DLGAP1: variants seen among roughly 807,000 people sequenced by gnomAD.
DLGAP1 encodes disks large-associated protein 1.
Under a neutral mutation model 90.8 loss-of-function variants are expected in DLGAP1, and 11 were observed. The observed-to-expected ratio is 0.12, with a 90% CI of 0.08 to 0.20. DLGAP1 has a LOEUF of 0.20. DLGAP1 is among the 10% of genes least tolerant of loss of function. DLGAP1 has a pLI of 1.00. For synonymous variants in DLGAP1, 558 were observed against 540.7 expected (o/e 1.03, Z -0.44); for missense variants, 1,050 against 1,333.8 (o/e 0.79, Z 3.31).
intron 5 of DLGAP1, among the ~76,000 whole-genome samples, chr18:3,769,134 CCCAGG>C (rs2064394750): frequency 6.6e-6 from 1 of 152,056 alleles, no homozygotes; most frequent in Non-Finnish European, 1.5e-5. Context: ...CACAGATAAA[CCCAGG>C]AGAAGAGTTC....
chr18:4,030,536 CAGGGGATTG>C (rs1413286164), intron 2 of DLGAP1, among the ~76,000 whole-genome samples: 1 of 151,426 alleles, frequency 6.6e-6, no homozygotes, highest in Admixed American at 6.6e-5. Context: ...CGAGGCCATA[CAGGGGATTG>C]AGGCCTCTTG....
At chr18:4,387,999 T>C (rs9965958) in intron 1 of DLGAP1, among the ~76,000 whole-genome samples, 6,327 of 151,574 alleles carry the variant, frequency 0.042, 428 homozygotes, top group African/African-American at 0.15. Context: ...TAATGAAGTG[T>C]CTCTTTTGCC....
intron 8 of DLGAP1, among the ~76,000 whole-genome samples, chr18:3,574,326 T>C (rs935137823): frequency 4.6e-5 from 7 of 152,246 alleles, no homozygotes; most frequent in Admixed American, 2.6e-4. Context: ...TAATATTTCT[T>C]CCTTAATTAT....
In DLGAP1 at chr18:3,879,010, AAT is replaced by A; in HGVS notation, c.957+100_957+101del. 1 of 990,012 alleles carries A rather than the reference AAT, an allele frequency of 1.0e-6. No individual in the cohort carries two copies. The highest frequency in any genetic ancestry group is 2.8e-5 in the East Asian group (1 of 35,926). 61.3% of individuals were successfully genotyped at this position (990,012 alleles called of 1,614,324 possible). A position where few individuals can be genotyped will look rare whatever the true frequency, so the allele number is the denominator to read the frequency against. ...AATAATTTGCACAGGTTCCTATCTT[AAT>A]AGACAATTCAGAGTAGTGCCAAGAC... is the stretch of plus-strand genomic sequence containing the variant. On this transcript the variant is annotated intron_variant, in intron 4 of 12. Transcript: ENST00000315677. The surrounding 1 kb of genome is among the most constrained non-coding windows in gnomAD (Gnocchi z 6.6).
At chr18:4,417,231 C>A (rs1720689424) in intron 1 of DLGAP1, among the ~76,000 whole-genome samples, 1 of 152,010 alleles carries the variant, frequency 6.6e-6, no homozygotes, top group African/African-American at 2.4e-5. Flanking sequence ...TGAAATCAGG[C>A]AGTAAACAGA....
chr18:3,874,367 T>G, intron 4 of DLGAP1: 1 of 1,488,588 alleles, frequency 6.7e-7, no homozygotes, highest in Non-Finnish European at 8.9e-7. Context: ...TTTCTACGGC[T>G]GAATGAATGC....
At chr18:4,410,765 G>A (rs374641920) in intron 1 of DLGAP1, among the ~76,000 whole-genome samples, 1 of 152,104 alleles carries the variant, frequency 6.6e-6, no homozygotes, top group Non-Finnish European at 1.5e-5. Context: ...GTTTAAGATA[G>A]TGACACAATG....
intron 1 of DLGAP1, among the ~76,000 whole-genome samples, chr18:4,216,549 A>G (rs1301534775): frequency 6.6e-6 from 1 of 152,150 alleles, no homozygotes; most frequent in Non-Finnish European, 1.5e-5. Context: ...TTTGCTAAGC[A>G]TGAGTAAATA....
At chr18:3,935,839 C>T (rs964906204) in intron 3 of DLGAP1, among the ~76,000 whole-genome samples, 3 of 152,192 alleles carry the variant, frequency 2.0e-5, no homozygotes, top group Admixed American at 6.5e-5. Flanking sequence ...AGCTCTCATT[C>T]GAAAGTCTAA....
At chr18:4,419,608 T>C (rs1337505430) in intron 1 of DLGAP1, among the ~76,000 whole-genome samples, 1 of 152,080 alleles carries the variant, frequency 6.6e-6, no homozygotes, top group Non-Finnish European at 1.5e-5. Flanking sequence ...GTTTGTAGCA[T>C]ATTTCAATGT....
At chr18:3,998,487 G>C (rs7234631) in intron 3 of DLGAP1, among the ~76,000 whole-genome samples, 144,991 of 152,236 alleles carry the variant, frequency 0.95, 69,049 homozygotes, top group East Asian at 1. Context: ...CCACAGACCT[G>C]TAATCAGCTA....
chr18:3,592,602 G>C (rs1434879452), intron 7 of DLGAP1, among the ~76,000 whole-genome samples: 1 of 152,098 alleles, frequency 6.6e-6, no homozygotes, highest in Non-Finnish European at 1.5e-5. Flanking sequence ...ACTTTGGGAG[G>C]CTGAAGCATA....
intron 2 of DLGAP1, among the ~76,000 whole-genome samples, chr18:4,012,707 T>C (rs867820211): frequency 6.6e-6 from 1 of 151,378 alleles, no homozygotes; most frequent in Non-Finnish European, 1.5e-5. Context: ...TGTTAACAGA[T>C]TGCTCCTGTT....
chr18:3,895,303 ACACACACACACACACACAT>A (rs1288409769), intron 3 of DLGAP1, among the ~76,000 whole-genome samples: 2 of 150,996 alleles, frequency 1.3e-5, no homozygotes, highest in African/African-American at 2.4e-5. Context: ...ACACACACAC[ACACACACACACACACACAT>A]CATCATCATC....
At chr18:4,278,061 C>CT (rs1047526926) in intron 1 of DLGAP1, among the ~76,000 whole-genome samples, 1 of 151,674 alleles carries the variant, frequency 6.6e-6, no homozygotes, top group Non-Finnish European at 1.5e-5. Flanking sequence ...ACCTTTGGCT[C>CT]TTTTTTATTA....
At chr18:3,547,322 A>AAG (rs2144728441) in intron 9 of DLGAP1, among the ~76,000 whole-genome samples, 1 of 150,954 alleles carries the variant, frequency 6.6e-6, no homozygotes, top group African/African-American at 2.4e-5. Context: ...AAAAAAAAAA[A>AAG]AGAATGGGAG....
At chr18:3,671,949 A>G (rs2060100554) in intron 7 of DLGAP1, among the ~76,000 whole-genome samples, 1 of 152,154 alleles carries the variant, frequency 6.6e-6, no homozygotes, top group African/African-American at 2.4e-5. Context: ...AATTGCCAAC[A>G]GAGTCCTGCA....
chr18:4,072,298 C>CT (rs10578078), intron 2 of DLGAP1, among the ~76,000 whole-genome samples: 5 of 150,950 alleles, frequency 3.3e-5, no homozygotes, highest in Non-Finnish European at 5.9e-5. Context: ...AATGATGAAA[C>CT]TTTTTTTTTT....
At chr18:3,624,217 G>A (rs1392416421) in intron 7 of DLGAP1, among the ~76,000 whole-genome samples, 1 of 152,210 alleles carries the variant, frequency 6.6e-6, no homozygotes, top group Non-Finnish European at 1.5e-5. Context: ...GAGACAACGG[G>A]CGCCTGTGAC....
Sources: gnomAD v4.1 joint callset for allele counts (sites outside exome capture counted in the v4.1 genomes callset) on GRCh38, gnomAD v4.1.1 for gene constraint, Gnocchi (gnomAD v3.1) non-coding constraint, MANE v1.5 for transcripts, NCBI Gene and HGNC (gene_info 2026-07-23, HGNC 2026-07-21) for gene names.